AGAP1: variants seen among roughly 807,000 people sequenced by gnomAD.
AGAP1 encodes arf-GAP with GTPase, ANK repeat and PH domain-containing protein 1.
AGAP1 carries 29 observed loss-of-function variants against 105.3 expected under a neutral mutation model. The observed-to-expected ratio is 0.28, with a 90% CI of 0.21 to 0.38. The LOEUF (loss-of-function observed/expected upper bound fraction) is 0.38, where lower values mean the gene tolerates loss of function less well. AGAP1 is among the 10% of genes least tolerant of loss of function. The probability of loss-of-function intolerance (pLI) is 1.00; values close to 1 mark genes in which losing one functional copy is unlikely to be tolerated. For missense variants in AGAP1, 998 were observed against 1,165.1 expected, an observed-to-expected ratio of 0.86 and a Z score of 2.09; for synonymous variants, 509 against 485.9, an observed-to-expected ratio of 1.05 and a Z score of -0.63.
chr2:235,498,490 C>T (rs562143205), intron 1 of AGAP1, among the ~76,000 whole-genome samples: 154 of 152,340 alleles, frequency 1.0e-3, no homozygotes, highest in South Asian at 2.1e-3. Flanking sequence ...AGAGCCATCT[C>T]GCCTCCAGTC....
intron 1 of AGAP1, among the ~76,000 whole-genome samples, chr2:235,674,602 C>G (rs965624795): frequency 1.3e-5 from 2 of 151,982 alleles, no homozygotes; most frequent in Admixed American, 1.3e-4. Context: ...TAATTTACAA[C>G]TGATTTTTGA....
At chr2:235,522,382 C>T (rs1456893662) in intron 1 of AGAP1, among the ~76,000 whole-genome samples, 3 of 152,160 alleles carry the variant, frequency 2.0e-5, no homozygotes, top group South Asian at 2.1e-4. Flanking sequence ...ACCTCTCCTC[C>T]GTAAGACGCT....
intron 9 of AGAP1, among the ~76,000 whole-genome samples, chr2:235,857,922 G>C (rs1259424605): frequency 5.3e-5 from 8 of 152,206 alleles, no homozygotes; most frequent in Non-Finnish European, 1.2e-4. Context: ...CATGTTGGGA[G>C]TGTGAGGCTT....
At chr2:235,597,126 C>T (rs13412504) in intron 1 of AGAP1, among the ~76,000 whole-genome samples, 34,875 of 152,132 alleles carry the variant, frequency 0.23, 5,118 homozygotes, top group African/African-American at 0.41. Context: ...AGGTTCCAGA[C>T]TCCAGCTCCT....
In AGAP1 at chr2:235,651,433, G is replaced by A. The variant is rs148358226; in HGVS notation, c.164-57746G>A. Among the ~76,000 whole-genome samples, 382 of 152,266 alleles carry A rather than the reference G, an allele frequency of 2.5e-3. 1 individual carries two copies. Among genetic ancestry groups the A allele is most frequent in the Middle Eastern group, 0.017 (5 of 294 alleles). ...GGGAAACATATTTGCAGTGAATGTT[G>A]CAGACAAATGGTTATTCCTGATGTT... On this transcript the variant is annotated intron_variant, in intron 1 of 17. Coordinates refer to ENST00000304032, the MANE Select transcript of AGAP1 (RefSeq NM_001037131.3).
chr2:235,855,585 T>A lies in AGAP1; in HGVS notation c.1051-27760T>A, dbSNP rs1411841213. Among the ~76,000 whole-genome samples the A allele has an allele frequency of 6.6e-6, 1 of 152,232 alleles. No homozygotes were observed. Among genetic ancestry groups the A allele is most frequent in the Non-Finnish European group, 1.5e-5 (1 of 68,034 alleles). The stretch of plus-strand genomic sequence containing the variant: ...TAAATATAGGGTATCATTCTTTCCT[T>A]TAGATTCGTTGCCCTGAACTTTTGA... On this transcript the variant is annotated intron_variant, in intron 9 of 17. Transcript: ENST00000304032. This position sits in a 1 kb window ranked among gnomAD's most constrained non-coding sequence, Gnocchi z 5.0.
chr2:235,949,231 A>G (rs1469085177), intron 12 of AGAP1, among the ~76,000 whole-genome samples: 2 of 152,216 alleles, frequency 1.3e-5, no homozygotes, highest in Non-Finnish European at 2.9e-5. Flanking sequence ...GAAGGGCTCC[A>G]TTGAGCATTG....
At chr2:235,857,457 T>C (rs2048734134) in intron 9 of AGAP1, among the ~76,000 whole-genome samples, 1 of 152,214 alleles carries the variant, frequency 6.6e-6, no homozygotes, top group Admixed American at 6.5e-5. Context: ...AGACACAGGT[T>C]CCTGCCTTGC....
At chr2:235,835,597 G>T (rs1398478362) in intron 9 of AGAP1, among the ~76,000 whole-genome samples, 1 of 152,226 alleles carries the variant, frequency 6.6e-6, no homozygotes, top group Non-Finnish European at 1.5e-5. Context: ...GGCACGTTGT[G>T]TAAGCTTTTC....
chr2:235,606,962 A>AC (rs1945961694), intron 1 of AGAP1, among the ~76,000 whole-genome samples: 1 of 152,076 alleles, frequency 6.6e-6, no homozygotes, highest in African/African-American at 2.4e-5. Flanking sequence ...AAAAAAAAAA[A>AC]AAAAAAGCAC....
At chr2:235,890,433 T>C (rs2050482852) in intron 10 of AGAP1, among the ~76,000 whole-genome samples, 1 of 152,202 alleles carries the variant, frequency 6.6e-6, no homozygotes, top group African/African-American at 2.4e-5. Context: ...ATTATAGGCA[T>C]GAGCCACTCT....
intron 1 of AGAP1, among the ~76,000 whole-genome samples, chr2:235,652,261 G>A (rs1947620128): frequency 6.6e-6 from 1 of 152,126 alleles, no homozygotes; most frequent in Non-Finnish European, 1.5e-5. Flanking sequence ...CTGCAACAGG[G>A]CCCTGCTTGT....
At chr2:235,641,205 T>G (rs547019716) in intron 1 of AGAP1, among the ~76,000 whole-genome samples, 41 of 152,288 alleles carry the variant, frequency 2.7e-4, no homozygotes, top group African/African-American at 8.4e-4. Context: ...AATGGGAGTT[T>G]TGAACTAAAA....
chr2:235,999,771 G>A (rs973490625), intron 13 of AGAP1, among the ~76,000 whole-genome samples: 1 of 147,752 alleles, frequency 6.8e-6, no homozygotes, highest in African/African-American at 2.7e-5. Flanking sequence ...TTATGATGTT[G>A]TTGGGAGCAG....
chr2:235,889,995 A>G lies in AGAP1; in HGVS notation c.1155+6546A>G, dbSNP rs1575705777. ...GAAGTCTTGACCCCAGCCATCACCC[A>G]CAGCCACATCTCCCAGCCTCCTTCA... On this transcript the variant is annotated intron_variant, in intron 10 of 17. Coordinates refer to ENST00000304032, the MANE Select transcript of AGAP1 (RefSeq NM_001037131.3). The surrounding 1 kb of genome is among the most constrained non-coding windows in gnomAD (Gnocchi z 4.6). 6.6e-6 allele frequency among the ~76,000 whole-genome samples: 1 copy of G among 152,054 alleles called. No individual in the cohort carries two copies. The highest frequency in any genetic ancestry group is 2.4e-5 in the African/African-American group (1 of 41,404).
In AGAP1 at chr2:235,739,166, C is replaced by T. The variant is rs943695434; in HGVS notation, c.311-1797C>T. On this transcript the variant is annotated intron_variant, in intron 3 of 17. Transcript: ENST00000304032. This position sits in a 1 kb window ranked among gnomAD's most constrained non-coding sequence, Gnocchi z 5.3. ...TGCATCTGGGGACACTGAGATGGGG[C>T]GAGGTGGGGCAAGACTACACAGCTG... Among the ~76,000 whole-genome samples, 1 of 151,812 alleles carries T rather than the reference C, an allele frequency of 6.6e-6. No individual in the cohort carries two copies. Among genetic ancestry groups the T allele is most frequent in the African/African-American group, 2.4e-5 (1 of 41,174 alleles).
At chr2:235,786,787 TGAA>T (rs1355825074) in intron 6 of AGAP1, among the ~76,000 whole-genome samples, 1 of 152,188 alleles carries the variant, frequency 6.6e-6, no homozygotes, top group African/African-American at 2.4e-5. Flanking sequence ...GGTGAGGTCT[TGAA>T]GAAGCACCTC....
chr2:235,678,146 C>T (rs920600364), intron 1 of AGAP1, among the ~76,000 whole-genome samples: 5 of 152,074 alleles, frequency 3.3e-5, no homozygotes, highest in African/African-American at 9.7e-5. Context: ...TTGACAGCTC[C>T]AAGATATTTG....
At chr2:236,054,546 G>A (rs531980648) in intron 16 of AGAP1, among the ~76,000 whole-genome samples, 144 of 150,964 alleles carry the variant, frequency 9.5e-4, no homozygotes, top group African/African-American at 3.3e-3. Context: ...ACTTTGCCGC[G>A]ATGACCAGAG....
Sources: gnomAD v4.1 joint callset for allele counts (sites outside exome capture counted in the v4.1 genomes callset) on GRCh38, gnomAD v4.1.1 for gene constraint, Gnocchi (gnomAD v3.1) non-coding constraint, MANE v1.5 for transcripts, NCBI Gene and HGNC (gene_info 2026-07-23, HGNC 2026-07-21) for gene names.